The following CAB39L variants were observed in gnomAD, a reference collection of about 807,000 sequenced individuals.
The protein encoded by CAB39L is calcium-binding protein 39-like.
A neutral mutation model predicts 39.1 loss-of-function variants in CAB39L; 23 were observed. The ratio of observed to expected loss-of-function variants is 0.59; its 90% CI spans 0.42 to 0.83. The LOEUF is 0.83. Ranked by LOEUF, CAB39L falls within the 40% of genes least tolerant of loss-of-function variation. The pLI is 0.00. For synonymous variants in CAB39L, 126 were observed against 137.2 expected (o/e 0.92, Z 0.57); for missense variants, 366 against 391.9 (o/e 0.93, Z 0.56).
At chr13:49,344,875 T>G (rs994396910) in intron 7 of CAB39L, among the ~76,000 whole-genome samples, 7 of 152,210 alleles carry the variant, frequency 4.6e-5, no homozygotes, top group African/African-American at 1.7e-4. Context: ...TTCCTGCTCT[T>G]GGGTTAATGG....
At chr13:49,332,660 T>C (rs991536156) in intron 9 of CAB39L, among the ~76,000 whole-genome samples, 3 of 152,014 alleles carry the variant, frequency 2.0e-5, no homozygotes, top group Admixed American at 2.0e-4. Context: ...TGGTGACAAA[T>C]TGATAGTTCC....
At chr13:49,377,885 C>A (rs1352278268) in intron 4 of CAB39L, among the ~76,000 whole-genome samples, 10 of 78,584 alleles carry the variant, frequency 1.3e-4, no homozygotes, top group East Asian at 2.3e-4. Flanking sequence ...TCCGCCCGGC[C>A]GCCATCCCAT....
At position 49,331,941 on chromosome 13, in the gene CAB39L, T is replaced by A; in HGVS notation, c.834+6A>T. Reference sequence around the variant, plus strand: ...CAACATTGTTTCCAGAGCTTGTACTTTTTACCTTAAAAACATGAAAGGCTT... The same window carrying A: ...CAACATTGTTTCCAGAGCTTGTACTATTTACCTTAAAAACATGAAAGGCTT... On this transcript the variant is annotated splice_donor_region_variant and intron_variant, in intron 10 of 10. Transcript: ENST00000409308. 3 of 1,613,972 alleles carry A rather than the reference T, an allele frequency of 1.9e-6. No homozygotes were observed. Among genetic ancestry groups the A allele is most frequent in the Non-Finnish European group, 2.5e-6 (3 of 1,179,928 alleles).
chr13:49,400,586 T>C (rs1355373663), intron 3 of CAB39L, among the ~76,000 whole-genome samples: 1 of 152,044 alleles, frequency 6.6e-6, no homozygotes, highest in Non-Finnish European at 1.5e-5. Flanking sequence ...CCCAAATGCA[T>C]TCATTCATTT....
At chr13:49,341,798 T>C (rs1955016591) in intron 8 of CAB39L, among the ~76,000 whole-genome samples, 6 of 152,188 alleles carry the variant, frequency 3.9e-5, no homozygotes, top group Admixed American at 3.9e-4. Flanking sequence ...TACCCTGATG[T>C]GATCGTTACA....
intron 5 of CAB39L, among the ~76,000 whole-genome samples, chr13:49,366,854 A>G (rs908032578): frequency 1.3e-5 from 2 of 152,100 alleles, no homozygotes; most frequent in African/African-American, 4.8e-5. Context: ...TGTCTCTACT[A>G]AAAATACAAA....
At position 49,309,011 on chromosome 13, in the gene CAB39L, A is replaced by G. The variant is rs1185002328; in HGVS notation, c.*1803T>C. 1 of 152,252 alleles carries G rather than the reference A, an allele frequency of 6.6e-6. No homozygotes were observed. The highest frequency in any genetic ancestry group is 1.9e-4 in the East Asian group (1 of 5,200). The allele number at this position is 152,252 out of a possible 1,614,324, so 9.4% of individuals were successfully genotyped here. On this transcript the variant is annotated 3_prime_UTR_variant, in exon 11 of 11. Transcript: ENST00000409308. Reference sequence around the variant, plus strand: ...CAGACGTCCCAAGATGTTGTGGAACAGTATTAAGTAACCAAATACAATTCC... The same window carrying G: ...CAGACGTCCCAAGATGTTGTGGAACGGTATTAAGTAACCAAATACAATTCC...
At chr13:49,442,541 C>T (rs968339047) in intron 1 of CAB39L, among the ~76,000 whole-genome samples, 3 of 152,038 alleles carry the variant, frequency 2.0e-5, no homozygotes, top group African/African-American at 7.2e-5. Context: ...CCTGTAATCC[C>T]AGCACTTTGG....
chr13:49,409,048 T>C (rs1010911458), intron 3 of CAB39L, among the ~76,000 whole-genome samples: 3 of 152,172 alleles, frequency 2.0e-5, no homozygotes, highest in Non-Finnish European at 2.9e-5. Context: ...AGAGAACCAC[T>C]TGGCCCAGAG....
chr13:49,332,769 T>A (rs1301099372), intron 9 of CAB39L, among the ~76,000 whole-genome samples: 1 of 151,902 alleles, frequency 6.6e-6, no homozygotes, highest in East Asian at 1.9e-4. Context: ...TGCTCTATCT[T>A]AGAAACTTTT....
chr13:49,417,894 A>G (rs574831816), intron 3 of CAB39L, among the ~76,000 whole-genome samples: 1 of 152,346 alleles, frequency 6.6e-6, no homozygotes, highest in South Asian at 2.1e-4. Context: ...TATAATGAAA[A>G]AGACATACTA....
intron 10 of CAB39L, among the ~76,000 whole-genome samples, chr13:49,327,218 A>G (rs1954529454): frequency 6.6e-6 from 1 of 152,030 alleles, no homozygotes; most frequent in South Asian, 2.1e-4. Flanking sequence ...ACACTCCTGT[A>G]TGATATCGCT....
At chr13:49,346,398 A>T (rs1432704551) in intron 7 of CAB39L, among the ~76,000 whole-genome samples, 1 of 151,160 alleles carries the variant, frequency 6.6e-6, no homozygotes, top group African/African-American at 2.4e-5. Flanking sequence ...AAAAGACAGA[A>T]AATTGTGAAG....
Position 49,434,086 on chromosome 13 carries a change from G to A in CAB39L, c.-108C>T, listed in dbSNP as rs562124390. On this transcript the variant is annotated splice_region_variant and 5_prime_UTR_variant, in exon 2 of 11. The change creates a premature stop within an existing upstream ORF in the 5' untranslated region. Transcript: ENST00000409308. ...CCATCAGAAATAAGAGAAAACTTAC[G>A]CTTCTCTCCTTTAGTGCATTGCTCT... is the stretch of plus-strand genomic sequence containing the variant. 2.8e-4 allele frequency: 125 copies of A among 446,006 alleles called. 1 individual carries two copies. Among genetic ancestry groups the A allele is most frequent in the South Asian group, 9.9e-4 (62 of 62,446 alleles). 27.6% of individuals were successfully genotyped at this position (446,006 alleles called of 1,614,324 possible). A position where few individuals can be genotyped will look rare whatever the true frequency, so the allele number is the denominator to read the frequency against.
chr13:49,377,089 T>C lies in CAB39L; in HGVS notation c.154A>G (p.Ile52Val). The C allele has an allele frequency of 6.2e-7, 1 of 1,613,558 alleles. No homozygotes were observed. The highest frequency in any genetic ancestry group is 1.1e-5 in the South Asian group (1 of 91,022). ...VSKSLQAMKE[I>V]LCGTNEKEPP... ...TCTTTCTCGTTTGTACCACACAGAA[T>C]TTCTTTCATTGCTTGCAGTGATTTA... The change falls in exon 5 of 11, where the codon ATT (isoleucine) becomes GTT (valine). Residue 52 changes from isoleucine to valine, a missense_variant. Coordinates refer to ENST00000409308, the MANE Select transcript of CAB39L (RefSeq NM_001079670.3).
chr13:49,395,479 G>A (rs894613233), intron 3 of CAB39L, among the ~76,000 whole-genome samples: 12 of 152,148 alleles, frequency 7.9e-5, no homozygotes, highest in African/African-American at 2.9e-4. Context: ...TGATCTGCCT[G>A]CCTCAGCCTC....
chr13:49,421,469 C>T (rs919104919), intron 3 of CAB39L, among the ~76,000 whole-genome samples: 10 of 152,136 alleles, frequency 6.6e-5, no homozygotes, highest in African/African-American at 2.4e-4. Context: ...CTAATATCCC[C>T]CTTCCCATCT....
chr13:49,342,659 G>T (rs1172355705), intron 8 of CAB39L, among the ~76,000 whole-genome samples: 1 of 152,158 alleles, frequency 6.6e-6, no homozygotes, highest in Non-Finnish European at 1.5e-5. Flanking sequence ...TGTGGCTGTT[G>T]CTAGGATGAG....
intron 3 of CAB39L, among the ~76,000 whole-genome samples, chr13:49,407,507 A>AATG (rs1396984249): frequency 6.6e-6 from 1 of 152,132 alleles, no homozygotes; most frequent in Non-Finnish European, 1.5e-5. Context: ...CAATAAAAAC[A>AATG]ATGGCACAAA....
Sources: gnomAD v4.1 joint callset for allele counts (sites outside exome capture counted in the v4.1 genomes callset) on GRCh38, gnomAD v4.1.1 for gene constraint, MANE v1.5 for transcripts, NCBI Gene and HGNC (gene_info 2026-07-23, HGNC 2026-07-21) for gene names.